Variants in MYRIP observed in about 807,000 individuals in gnomAD.
MYRIP encodes the protein myosin VIIA and Rab interacting protein, also known as rab effector MyRIP.
Under a neutral mutation model 98.0 loss-of-function variants are expected in MYRIP, and 49 were observed. The ratio of observed to expected loss-of-function variants is 0.50; its 90% CI spans 0.40 to 0.63. MYRIP has a LOEUF of 0.63. Among genes scored for constraint, MYRIP ranks in the 30% least tolerant of loss-of-function variants. The probability of loss-of-function intolerance (pLI) is 0.00; values close to 1 mark genes in which losing one functional copy is unlikely to be tolerated. For missense variants in MYRIP, 1,004 were observed against 1,058.2 expected, an observed-to-expected ratio of 0.95 and a Z score of 0.71; for synonymous variants, 404 against 409.5, an observed-to-expected ratio of 0.99 and a Z score of 0.16.
intron 2 of MYRIP, among the ~76,000 whole-genome samples, chr3:39,907,994 A>C (rs73074771): frequency 6.6e-6 from 1 of 152,200 alleles, no homozygotes; most frequent in African/African-American, 2.4e-5. Context: ...TCTGGTGTTC[A>C]AACTGAGTCT....
intron 6 of MYRIP, 93 bp from the exon 7 acceptor site, chr3:40,167,066 C>G (rs770576621): frequency 7.1e-7 from 1 of 1,410,650 alleles, no homozygotes; most frequent in Non-Finnish European, 1.0e-6. Flanking sequence ...AAGGCCCTCC[C>G]TCTGCTTTTG....
intron 16 of MYRIP, among the ~76,000 whole-genome samples, chr3:40,256,841 C>A (rs1031295451): frequency 6.6e-6 from 1 of 151,944 alleles, no homozygotes; most frequent in African/African-American, 2.4e-5. Context: ...CTAAAAGATT[C>A]ATGTTGTGAA....
chr3:40,009,267 C>A (rs1177115421), intron 2 of MYRIP, among the ~76,000 whole-genome samples: 1 of 148,274 alleles, frequency 6.7e-6, no homozygotes, highest in Non-Finnish European at 1.5e-5. Flanking sequence ...GACGGAGTCT[C>A]ACTCTGTCAC....
intron 1 of MYRIP, among the ~76,000 whole-genome samples, chr3:39,875,349 G>T (rs906756187): frequency 6.6e-6 from 1 of 151,292 alleles, no homozygotes; most frequent in Non-Finnish European, 1.5e-5. Flanking sequence ...CTTCAGTTCT[G>T]CTCTGATTTT....
chr3:40,044,690 C>A (rs965390483), intron 3 of MYRIP, among the ~76,000 whole-genome samples: 3 of 152,102 alleles, frequency 2.0e-5, no homozygotes, highest in African/African-American at 7.2e-5. Context: ...TGGTGTGATA[C>A]GTAAGTGCTG....
intron 1 of MYRIP, among the ~76,000 whole-genome samples, chr3:39,886,437 G>A (rs1300316869): frequency 6.7e-6 from 1 of 148,538 alleles, no homozygotes; most frequent in Admixed American, 6.7e-5. Context: ...CTGTATTCAG[G>A]AAACCCATCT....
intron 4 of MYRIP, among the ~76,000 whole-genome samples, chr3:40,160,669 G>C (rs372944728): frequency 6.6e-6 from 1 of 152,224 alleles, no homozygotes; most frequent in East Asian, 1.9e-4. Flanking sequence ...AGGACCCTCC[G>C]AGCCAGGTGC....
intron 8 of MYRIP, among the ~76,000 whole-genome samples, chr3:40,176,702 G>A (rs1170997135): frequency 2.0e-5 from 3 of 152,104 alleles, no homozygotes; most frequent in Non-Finnish European, 4.4e-5. Flanking sequence ...GAGATCGGGA[G>A]TTCAAGACCA....
At chr3:40,132,895 C>A (rs550795596) in intron 3 of MYRIP, among the ~76,000 whole-genome samples, 1 of 152,394 alleles carries the variant, frequency 6.6e-6, no homozygotes, top group Non-Finnish European at 1.5e-5. Flanking sequence ...CCCAGTCCAG[C>A]CCTCCTTACT....
At chr3:39,897,892 G>T (rs999832029) in intron 1 of MYRIP, among the ~76,000 whole-genome samples, 2 of 149,618 alleles carry the variant, frequency 1.3e-5, no homozygotes, top group Non-Finnish European at 3.0e-5. Flanking sequence ...CACTAACTGG[G>T]CTCCTTAGAA....
At position 40,133,933 on chromosome 3, in the gene MYRIP, A is replaced by T. The variant is rs539363615; in HGVS notation, c.333-17115A>T. On this transcript the variant is annotated intron_variant, in intron 3 of 16. Transcript: ENST00000302541. ...AAGATGGCCGAGTAGGAACAGTTCC[A>T]GTCTACAGCTCCCAGCATGAGCGAT... is the stretch of plus-strand genomic sequence containing the variant. 5.9e-5 allele frequency among the ~76,000 whole-genome samples: 9 copies of T among 152,314 alleles called. No homozygotes were observed. The East Asian group carries it at 1.5e-3, about 26-fold the overall frequency.
intron 3 of MYRIP, among the ~76,000 whole-genome samples, chr3:40,103,969 G>A (rs942523751): frequency 1.3e-5 from 2 of 152,180 alleles, no homozygotes; most frequent in Non-Finnish European, 2.9e-5. Flanking sequence ...GCTTTATGAA[G>A]CAATATCCTA....
At chr3:40,077,762 T>A (rs990362299) in intron 3 of MYRIP, among the ~76,000 whole-genome samples, 2 of 152,216 alleles carry the variant, frequency 1.3e-5, no homozygotes, top group African/African-American at 4.8e-5. Flanking sequence ...AGACAAAGGG[T>A]GTTGATTGGT....
chr3:39,906,898 A>T (rs1007039846), intron 2 of MYRIP, among the ~76,000 whole-genome samples: 1 of 152,218 alleles, frequency 6.6e-6, no homozygotes, highest in African/African-American at 2.4e-5. Context: ...AATGCAAAAT[A>T]CAGCTTCCTA....
intron 4 of MYRIP, among the ~76,000 whole-genome samples, chr3:40,158,759 T>C (rs9862870): frequency 0.074 from 10,522 of 142,272 alleles, 1,083 homozygotes; most frequent in African/African-American, 0.23. Flanking sequence ...AATGGCCTTC[T>C]TTGTCTCTTT....
intron 1 of MYRIP, among the ~76,000 whole-genome samples, chr3:39,853,082 T>A (rs527253824): frequency 6.6e-6 from 1 of 152,308 alleles, no homozygotes; most frequent in South Asian, 2.1e-4. Flanking sequence ...GCGCCTGGCC[T>A]ATTTCATTCT....
Position 40,258,126 on chromosome 3 carries a change from C to T in MYRIP, c.2548-8C>T, listed in dbSNP as rs201608812. Reference sequence around the variant, plus strand: ...GCTGATGGGAGTGTGTTCAATGTCTCACCTCAGGAGCCTGCTCTGGAGTCA... The same window carrying T: ...GCTGATGGGAGTGTGTTCAATGTCTTACCTCAGGAGCCTGCTCTGGAGTCA... On this transcript the variant is annotated splice_polypyrimidine_tract_variant and splice_region_variant and intron_variant, in intron 16 of 16. Coordinates refer to ENST00000302541, the MANE Select transcript of MYRIP (RefSeq NM_015460.4). The T allele has an allele frequency of 3.0e-5, 48 of 1,614,194 alleles. No individual in the cohort carries two copies. The South Asian group carries it at 5.2e-4, about 17-fold the overall frequency.
intron 3 of MYRIP, among the ~76,000 whole-genome samples, chr3:40,102,577 A>G (rs1948966906): frequency 6.6e-6 from 1 of 152,170 alleles, no homozygotes; most frequent in African/African-American, 2.4e-5. Context: ...GTGGAAGCCC[A>G]GTCCTTGACT....
chr3:39,953,958 G>A (rs1373988948), intron 2 of MYRIP, among the ~76,000 whole-genome samples: 1 of 152,152 alleles, frequency 6.6e-6, no homozygotes, highest in Admixed American at 6.5e-5. Flanking sequence ...AGGGAGGCTG[G>A]GAGAGGGGCG....
Sources: allele counts gnomAD v4.1 joint callset (sites outside exome capture counted in the v4.1 genomes callset), GRCh38; gene constraint gnomAD v4.1.1; transcripts MANE v1.5; gene names NCBI Gene and HGNC (gene_info 2026-07-23, HGNC 2026-07-21).